Variants in SPON1 observed in about 807,000 individuals in gnomAD.
SPON1 encodes the protein spondin-1.
SPON1 carries 52 observed loss-of-function variants against 111.7 expected under a neutral mutation model. The observed-to-expected ratio is 0.47, with a 90% CI of 0.37 to 0.59. SPON1 has a LOEUF of 0.59. Ranked by LOEUF, SPON1 falls within the 20% of genes least tolerant of loss-of-function variation. The pLI, the probability that SPON1 is intolerant of heterozygous loss-of-function variation, is 0.00. For missense variants in SPON1, 957 were observed against 1,068.5 expected, an observed-to-expected ratio of 0.90 and a Z score of 1.46; for synonymous variants, 410 against 395.8, an observed-to-expected ratio of 1.04 and a Z score of -0.43.
At chr11:13,993,870 C>A (rs1272238444) in intron 2 of SPON1, among the ~76,000 whole-genome samples, 1 of 152,152 alleles carries the variant, frequency 6.6e-6, no homozygotes, top group Non-Finnish European at 1.5e-5. Flanking sequence ...TAATACTATT[C>A]ATTGCCTTGT....
At chr11:14,136,977 A>T (rs1847600678) in intron 6 of SPON1, among the ~76,000 whole-genome samples, 1 of 152,140 alleles carries the variant, frequency 6.6e-6, no homozygotes, top group African/African-American at 2.4e-5. Context: ...TCAAGTATGG[A>T]ATTATGCCTC....
intron 2 of SPON1, among the ~76,000 whole-genome samples, chr11:14,013,177 A>G (rs1848418938): frequency 6.6e-6 from 1 of 152,208 alleles, no homozygotes; most frequent in African/African-American, 2.4e-5. Flanking sequence ...CAGAAGCCCC[A>G]TGCTAACAAC....
At chr11:14,187,826 C>T (rs988637713) in intron 6 of SPON1, among the ~76,000 whole-genome samples, 2 of 151,132 alleles carry the variant, frequency 1.3e-5, no homozygotes, top group African/African-American at 4.9e-5. Flanking sequence ...GTTGCCCAGG[C>T]CTGGAGTGTA....
chr11:14,080,509 G>C (rs538503926), intron 5 of SPON1, among the ~76,000 whole-genome samples: 14 of 152,266 alleles, frequency 9.2e-5, no homozygotes, highest in South Asian at 8.3e-4. Context: ...GATTACAGGT[G>C]TGAGCCACTG....
intron 1 of SPON1, among the ~76,000 whole-genome samples, chr11:13,974,846 C>G (rs915868510): frequency 1.1e-4 from 16 of 152,168 alleles, no homozygotes; most frequent in African/African-American, 3.9e-4. Flanking sequence ...ATCATCTTCC[C>G]CCTGCTTATC....
chr11:14,125,886 C>T (rs1392273415), intron 5 of SPON1, among the ~76,000 whole-genome samples: 4 of 152,186 alleles, frequency 2.6e-5, no homozygotes, highest in Non-Finnish European at 5.9e-5. Context: ...GGTATAGTTC[C>T]AGTCTCAGTG....
intron 1 of SPON1, among the ~76,000 whole-genome samples, chr11:13,971,328 G>A (rs1848061648): frequency 6.6e-6 from 1 of 152,168 alleles, no homozygotes; most frequent in Non-Finnish European, 1.5e-5. Flanking sequence ...AAGGGCAGAG[G>A]CAAGGGGCTG....
intron 3 of SPON1, among the ~76,000 whole-genome samples, chr11:14,055,644 G>A (rs1564894909): frequency 6.6e-6 from 1 of 152,132 alleles, no homozygotes; most frequent in Non-Finnish European, 1.5e-5. Flanking sequence ...CATCCACCTG[G>A]GGCTAGGCTC....
intron 5 of SPON1, among the ~76,000 whole-genome samples, chr11:14,134,641 G>T (rs1847569786): frequency 6.6e-6 from 1 of 152,130 alleles, no homozygotes; most frequent in Non-Finnish European, 1.5e-5. Flanking sequence ...TTCTAAGGCT[G>T]GTCCCCACAC....
rs1422968430 is a variant in SPON1 at position 13,975,618 on chromosome 11, G to A, written c.239-7229G>A. Among the ~76,000 whole-genome samples the A allele has an allele frequency of 5.3e-5, 8 of 152,106 alleles. No homozygotes were observed. In the South Asian group the frequency reaches 6.2e-4, roughly 12 times the overall value. ...AGGGGTATTGTGTGGAGGTGAAAGG[G>A]GCAGGGAGGTCCTCACAGGGCACTC... is the stretch of plus-strand genomic sequence containing the variant. On this transcript the variant is annotated intron_variant, in intron 1 of 15. Transcript: ENST00000576479.
At chr11:14,166,592 A>T (rs1390019745) in intron 6 of SPON1, among the ~76,000 whole-genome samples, 1 of 152,220 alleles carries the variant, frequency 6.6e-6, no homozygotes, top group East Asian at 1.9e-4. Context: ...GACCAAAACA[A>T]GACAAAATGT....
chr11:14,171,223 G>T (rs1170913039), intron 6 of SPON1, among the ~76,000 whole-genome samples: 4 of 152,176 alleles, frequency 2.6e-5, no homozygotes, highest in East Asian at 1.9e-4. Context: ...TTAGTCTTGG[G>T]AGAGTGTATG....
intron 1 of SPON1, among the ~76,000 whole-genome samples, chr11:13,971,832 C>A (rs1411345776): frequency 6.6e-6 from 1 of 152,094 alleles, no homozygotes; most frequent in Non-Finnish European, 1.5e-5. Context: ...TCCCGCTTGG[C>A]AGTAGGGTGA....
chr11:14,014,746 GGGACCA>G lies in SPON1; in HGVS notation c.346-26772_346-26767del, dbSNP rs1848432458. ...CACAAAACACAGGAAGCATTTCCAA[GGGACCA>G]GGTCAGAGGCCTGCCTCTTCTCATG... On this transcript the variant is annotated intron_variant, in intron 2 of 15. Transcript: ENST00000576479. Among the ~76,000 whole-genome samples, 3 of 152,332 alleles carry G rather than the reference GGGACCA, an allele frequency of 2.0e-5. No homozygotes were observed. In the South Asian group the frequency reaches 6.2e-4, roughly 32 times the overall value.
At chr11:14,153,896 G>T (rs1452758100) in intron 6 of SPON1, among the ~76,000 whole-genome samples, 5 of 152,162 alleles carry the variant, frequency 3.3e-5, no homozygotes, top group African/African-American at 1.2e-4. Flanking sequence ...AAATAAAGGG[G>T]TTACAGGCGC....
intron 6 of SPON1, among the ~76,000 whole-genome samples, chr11:14,152,142 A>T (rs935064518): frequency 3.3e-5 from 5 of 152,148 alleles, no homozygotes; most frequent in African/African-American, 1.2e-4. Flanking sequence ...CCATCTCCCT[A>T]GTCATGCTTT....
chr11:14,262,500 T>C (rs1177926024), intron 14 of SPON1: 2 of 618,360 alleles, frequency 3.2e-6, no homozygotes, highest in East Asian at 2.8e-5. Flanking sequence ...GAATGGGTGA[T>C]GACCTGGCAC....
intron 2 of SPON1, among the ~76,000 whole-genome samples, chr11:13,985,637 G>T (rs80120168): frequency 0.024 from 3,642 of 152,174 alleles, 133 homozygotes; most frequent in African/African-American, 0.082. Context: ...CAGTCTCTGT[G>T]CCAGGTGCTT....
intron 2 of SPON1, among the ~76,000 whole-genome samples, chr11:14,025,073 AAAGT>A (rs1370454100): frequency 4.6e-5 from 7 of 152,140 alleles, no homozygotes; most frequent in Non-Finnish European, 7.4e-5. Flanking sequence ...ATTGAGTTTT[AAAGT>A]AAGAGACTGG....
Sources: allele counts gnomAD v4.1 joint callset (sites outside exome capture counted in the v4.1 genomes callset), GRCh38; gene constraint gnomAD v4.1.1; transcripts MANE v1.5; gene names NCBI Gene and HGNC (gene_info 2026-07-23, HGNC 2026-07-21).